HSDL2: variants seen among roughly 807,000 people sequenced by gnomAD.
HSDL2 encodes hydroxysteroid dehydrogenase-like protein 2.
HSDL2 carries 27 observed loss-of-function variants against 46.3 expected under a neutral mutation model. That is an observed-to-expected ratio of 0.58 (90% confidence interval 0.43 to 0.80). The LOEUF (loss-of-function observed/expected upper bound fraction) is 0.80. Among genes scored for constraint, HSDL2 ranks in the 30% least tolerant of loss-of-function variants. The probability of loss-of-function intolerance (pLI) is 0.00; values close to 1 mark genes in which losing one functional copy is unlikely to be tolerated. For synonymous variants in HSDL2, 153 were observed against 163.6 expected, an observed-to-expected ratio of 0.94 and a Z score of 0.50; for missense variants, 451 against 502.7, an observed-to-expected ratio of 0.90 and a Z score of 0.98.
At chr9:112,386,087 A>C (rs914993841) in intron 1 of HSDL2, among the ~76,000 whole-genome samples, 2 of 152,012 alleles carry the variant, frequency 1.3e-5, no homozygotes, top group Non-Finnish European at 2.9e-5. Flanking sequence ...ACTAATTAAA[A>C]AAATATTTTT....
intron 10 of HSDL2, among the ~76,000 whole-genome samples, chr9:112,466,580 G>A (rs905096426): frequency 6.6e-6 from 1 of 150,904 alleles, no homozygotes; most frequent in East Asian, 1.9e-4. Flanking sequence ...TATATTTTCA[G>A]TTAGTTATGT....
intron 4 of HSDL2, among the ~76,000 whole-genome samples, chr9:112,412,934 C>T (rs1026382741): frequency 6.6e-6 from 1 of 151,180 alleles, no homozygotes; most frequent in Non-Finnish European, 1.5e-5. Context: ...TGAACCCTGT[C>T]TCTGTTTTAA....
rs144968660 is a variant in HSDL2, at chr9:112,414,419, G to C, written c.396-2422G>C. Among the ~76,000 whole-genome samples, 41 of 152,284 alleles carry C rather than the reference G, an allele frequency of 2.7e-4. No homozygotes were observed. In the East Asian group the frequency reaches 7.5e-3, roughly 28 times the overall value. On this transcript the variant is annotated intron_variant, in intron 4 of 10. Coordinates refer to ENST00000398805, the MANE Select transcript of HSDL2 (RefSeq NM_032303.5). ...AGTCTGGCACATAGTTAGGTTTTCA[G>C]TAAACGTAACTATTTTATTCGGCTG...
rs192283742 is a variant in HSDL2, at chr9:112,463,376, G to A, written c.1144+3799G>A. Among the ~76,000 whole-genome samples, 858 of 151,694 alleles carry A rather than the reference G, an allele frequency of 5.7e-3. 13 individuals carry two copies. Among genetic ancestry groups the A allele is most frequent in the African/African-American group, 0.02 (822 of 41,352 alleles). On this transcript the variant is annotated intron_variant, in intron 10 of 10. Coordinates refer to ENST00000398805, the MANE Select transcript of HSDL2 (RefSeq NM_032303.5). ...TCCTACCTCAGCTTTCCAAAGTCCTGGGATTACAGGCGAGAGCCACTGTAC... is the reference window on the plus strand; with the variant it reads ...TCCTACCTCAGCTTTCCAAAGTCCTAGGATTACAGGCGAGAGCCACTGTAC...
chr9:112,434,801 G>T (rs1832486082), intron 6 of HSDL2, among the ~76,000 whole-genome samples: 1 of 152,084 alleles, frequency 6.6e-6, no homozygotes, highest in Non-Finnish European at 1.5e-5. Context: ...GGAAATCTTT[G>T]GTCTTAAGAC....
intron 6 of HSDL2, among the ~76,000 whole-genome samples, chr9:112,423,786 T>C (rs1832183352): frequency 6.6e-6 from 1 of 151,950 alleles, no homozygotes; most frequent in Non-Finnish European, 1.5e-5. Context: ...CACAATTAGC[T>C]CACTGCAACC....
intron 6 of HSDL2, among the ~76,000 whole-genome samples, chr9:112,438,019 G>C (rs752735458): frequency 7.2e-5 from 11 of 152,062 alleles, no homozygotes; most frequent in Non-Finnish European, 1.3e-4. Context: ...AGGCTGAGGC[G>C]GACGGATCAC....
chr9:112,432,391 A>G (rs1413778794), intron 6 of HSDL2, among the ~76,000 whole-genome samples: 1 of 152,118 alleles, frequency 6.6e-6, no homozygotes, highest in Non-Finnish European at 1.5e-5. Flanking sequence ...CTTCTTGAGG[A>G]TAGGGACAGT....
intron 1 of HSDL2, among the ~76,000 whole-genome samples, chr9:112,402,515 G>T (rs940714913): frequency 1.3e-5 from 2 of 148,854 alleles, no homozygotes; most frequent in Non-Finnish European, 3.0e-5. Flanking sequence ...CCATGATTGC[G>T]CCACTGTACT....
chr9:112,448,580 G>A (rs1433358289), intron 8 of HSDL2, among the ~76,000 whole-genome samples: 1 of 150,846 alleles, frequency 6.6e-6, no homozygotes, highest in African/African-American at 2.4e-5. Context: ...ACGGAGTCTT[G>A]CTCCGTTGCC....
At chr9:112,420,674 T>C (rs1364882868) in intron 6 of HSDL2, among the ~76,000 whole-genome samples, 1 of 152,122 alleles carries the variant, frequency 6.6e-6, no homozygotes, top group East Asian at 1.9e-4. Context: ...CTGTCTCAAC[T>C]AACCCACTTC....
intron 5 of HSDL2, 40 bp downstream of exon 5, chr9:112,416,984 T>A: frequency 1.1e-6 from 1 of 919,570 alleles, no homozygotes; most frequent in Non-Finnish European, 1.8e-6. Flanking sequence ...GGTTTGTGCT[T>A]AATTTGTTTT....
intron 8 of HSDL2, among the ~76,000 whole-genome samples, chr9:112,450,119 A>T (rs1832847166): frequency 1.3e-5 from 2 of 152,028 alleles, no homozygotes; most frequent in African/African-American, 4.8e-5. Flanking sequence ...TAGCATTTTA[A>T]ATTAGTCTGT....
intron 1 of HSDL2, among the ~76,000 whole-genome samples, chr9:112,393,474 G>A (rs946587736): frequency 6.6e-6 from 1 of 152,190 alleles, no homozygotes; most frequent in Non-Finnish European, 1.5e-5. Flanking sequence ...AATTTGATTA[G>A]CTAATTTTTG....
chr9:112,385,596 T>TCTC (rs59232699), intron 1 of HSDL2, among the ~76,000 whole-genome samples: 136,971 of 149,780 alleles, frequency 0.91, 62,699 homozygotes, highest in South Asian at 0.96. Flanking sequence ...TTCAAGCAAT[T>TCTC]CTGCTTCAGC....
intron 1 of HSDL2, among the ~76,000 whole-genome samples, chr9:112,394,049 C>T (rs1205219497): frequency 6.6e-6 from 1 of 152,150 alleles, no homozygotes; most frequent in Admixed American, 6.5e-5. Flanking sequence ...GGTAGAGGGG[C>T]ATACCTGGGT....
At chr9:112,395,778 C>CT (rs1285849042) in intron 1 of HSDL2, among the ~76,000 whole-genome samples, 1 of 152,176 alleles carries the variant, frequency 6.6e-6, no homozygotes, top group Non-Finnish European at 1.5e-5. Context: ...TCCCTGATTT[C>CT]TTTTTTACTA....
chr9:112,425,150 T>A (rs1587947650), intron 6 of HSDL2, among the ~76,000 whole-genome samples: 1 of 152,188 alleles, frequency 6.6e-6, no homozygotes, highest in Admixed American at 6.5e-5. Context: ...TCTTCCCTTT[T>A]TTTAACTTTA....
chr9:112,389,141 C>T (rs1831282797), intron 1 of HSDL2, among the ~76,000 whole-genome samples: 1 of 152,038 alleles, frequency 6.6e-6, no homozygotes, highest in South Asian at 2.1e-4. Context: ...GTCTTCCTGA[C>T]TGAGCCTCCC....
Sources: allele counts gnomAD v4.1 joint callset (sites outside exome capture counted in the v4.1 genomes callset), GRCh38; gene constraint gnomAD v4.1.1; transcripts MANE v1.5; gene names NCBI Gene and HGNC (gene_info 2026-07-23, HGNC 2026-07-21).